Variants in ATM observed in about 807,000 individuals in gnomAD.
ATM encodes the protein serine-protein kinase ATM.
In ATM, 308 loss-of-function variants were observed where a neutral mutation model predicts 387.0. The ratio of observed to expected loss-of-function variants is 0.80; its 90% CI spans 0.73 to 0.87. The LOEUF (loss-of-function observed/expected upper bound fraction) is 0.87. ATM is among the 40% of genes least tolerant of loss of function. ATM has a pLI of 0.00. For synonymous variants in ATM, 1,156 were observed against 1,187.3 expected, an observed-to-expected ratio of 0.97 and a Z score of 0.54; for missense variants, 3,312 against 3,560.9, an observed-to-expected ratio of 0.93 and a Z score of 1.78.
rs73545037 is a variant in ATM at position 108,347,586 on chromosome 11, G to A, written c.8671+221G>A. ...AATAGATGAGGTGTCTTTTGAGCCT[G>A]GTCTTCAAGAAAGAAAGAAAGCATA... is the stretch of plus-strand genomic sequence containing the variant. On this transcript the variant is annotated intron_variant, in intron 59 of 62. Coordinates refer to ENST00000675843, the MANE Select transcript of ATM (RefSeq NM_000051.4). Among the ~76,000 whole-genome samples, 1,372 of 152,198 alleles carry A rather than the reference G, an allele frequency of 9.0e-3. 20 individuals carry two copies. Among genetic ancestry groups the A allele is most frequent in the African/African-American group, 0.031 (1,291 of 41,536 alleles).
intron 37 of ATM, among the ~76,000 whole-genome samples, chr11:108,306,784 A>T (rs2083720044): frequency 6.6e-6 from 1 of 152,236 alleles, no homozygotes; most frequent in Admixed American, 6.5e-5. Flanking sequence ...TCAGCTGTCC[A>T]AAAGCAAACG....
rs2091330801 is a variant in ATM, at chr11:108,366,357, T to C, written c.*849T>C. On this transcript the variant is annotated 3_prime_UTR_variant, in exon 63 of 63. Transcript: ENST00000675843. ...ATTGTTTTTCATTTCTAATTATGCA[T>C]CATTTTTCAGATCTCTGTTTCTTGA... 9.3e-6 allele frequency: 2 copies of C among 214,632 alleles called. No individual in the cohort carries two copies. The highest frequency in any genetic ancestry group is 1.5e-3 in the Middle Eastern group (1 of 676). 13.3% of individuals were successfully genotyped at this position (214,632 alleles called of 1,614,324 possible).
intron 33 of ATM, among the ~76,000 whole-genome samples, chr11:108,298,882 T>C (rs139374022): frequency 2.4e-4 from 36 of 152,344 alleles, no homozygotes; most frequent in Non-Finnish European, 4.1e-4. Flanking sequence ...GTGGTGTTTG[T>C]ATATACTAGC....
At chr11:108,339,608 C>CT (rs2087268693) in intron 56 of ATM, among the ~76,000 whole-genome samples, 1 of 152,036 alleles carries the variant, frequency 6.6e-6, no homozygotes, top group African/African-American at 2.4e-5. Flanking sequence ...CTGTCATTTG[C>CT]TTTTTGAAAT....
rs1555120997 is a variant in ATM, at chr11:108,327,682, T to A, written c.7013T>A (p.Leu2338Gln). The A allele has an allele frequency of 6.2e-7, 1 of 1,614,034 alleles. No individual in the cohort carries two copies. Among genetic ancestry groups the A allele is most frequent in the Non-Finnish European group, 8.5e-7 (1 of 1,179,944 alleles). ...PSLKLTYTEC[L>Q]RVCGNWLAET... is the part of the protein sequence containing the mutation. ...CTAAAACTTACATACACAGAATGTC[T>A]GAGGGTTTGTGGCAACTGGTTAGCA... The change falls in exon 48 of 63, where the codon CTG becomes CAG. Residue 2338 changes from leucine to glutamine, a missense_variant. This residue lies in a region of ATM where 1,405 missense variants were observed against 1,604.4 expected (regional missense o/e 0.88). Coordinates refer to ENST00000675843, the MANE Select transcript of ATM (RefSeq NM_000051.4).
chr11:108,282,757 C>G lies in ATM; in HGVS notation c.3624C>G (p.Asp1208Glu), dbSNP rs2082298022. The G allele has an allele frequency of 6.2e-7, 1 of 1,612,964 alleles. No individual in the cohort carries two copies. The highest frequency in any genetic ancestry group is 1.3e-5 in the African/African-American group (1 of 74,874). Residue 1208 changes from aspartate (D) to glutamate (E), a missense_variant, in exon 25 of 63, where the codon GAC becomes GAG. By Grantham distance (45) the Asp-to-Glu change is conservative. Coordinates refer to ENST00000675843, the MANE Select transcript of ATM (RefSeq NM_000051.4). ...SETFGYRRLE[D>E]FMASHLDYLV... ...CTTTTGGATATAGACGTTTAGAAGA[C>G]TTTATGGCATCTCATTTAGATTATC...
chr11:108,337,869 A>G (rs767664751), intron 56 of ATM, among the ~76,000 whole-genome samples: 3 of 152,252 alleles, frequency 2.0e-5, no homozygotes, highest in Non-Finnish European at 2.9e-5. Context: ...AACTCTCAGA[A>G]AGTAGCTAAG....
chr11:108,270,842 C>T (rs1237895256), intron 18 of ATM, among the ~76,000 whole-genome samples: 1 of 151,984 alleles, frequency 6.6e-6, no homozygotes, highest in African/African-American at 2.4e-5. Flanking sequence ...ATTATAGGCG[C>T]CTGCCACCAC....
intron 18 of ATM, among the ~76,000 whole-genome samples, chr11:108,269,457 TCA>T (rs2081452061): frequency 6.6e-6 from 1 of 152,202 alleles, no homozygotes; most frequent in Non-Finnish European, 1.5e-5. Flanking sequence ...CAAGCCAACA[TCA>T]CACAGTTTAT....
At chr11:108,288,194 C>T (rs1375414871) in intron 27 of ATM, among the ~76,000 whole-genome samples, 1 of 152,076 alleles carries the variant, frequency 6.6e-6, no homozygotes, top group Non-Finnish European at 1.5e-5. Context: ...CCACCTCAGC[C>T]TCTCGAGTAG....
At chr11:108,299,241 G>A (rs987716516) in intron 33 of ATM, among the ~76,000 whole-genome samples, 2 of 151,992 alleles carry the variant, frequency 1.3e-5, no homozygotes, top group African/African-American at 4.8e-5. Flanking sequence ...TCATTGAACT[G>A]TGTGTTTAAG....
At chr11:108,330,813 A>G (rs945798846) in intron 50 of ATM, among the ~76,000 whole-genome samples, 3 of 152,194 alleles carry the variant, frequency 2.0e-5, no homozygotes, top group African/African-American at 7.2e-5. Flanking sequence ...CTGCAGAAAT[A>G]TGGGATTTTT....
rs1386063673 is a variant in ATM, at chr11:108,272,818, C to G, written c.3250C>G (p.Gln1084Glu). 6.2e-7 allele frequency: 1 copy of G among 1,613,916 alleles called. No homozygotes were observed. Among genetic ancestry groups the G allele is most frequent in the South Asian group, 1.1e-5 (1 of 91,078 alleles). The change falls in exon 22 of 63, where the codon CAA becomes GAA. Residue 1084 changes from glutamine to glutamate, a missense_variant. Physicochemically the swap from Gln to Glu is conservative, Grantham distance 29 (BLOSUM62 2). Transcript: ENST00000675843. ...ACAATTTCTTGCTGACAATCATCAC[C>G]AAGTTCGCATGTTGGCTGCAGAGTC... Reference protein sequence around the residue: ...FTQFLADNHHQVRMLAAESIN... With the variant: ...FTQFLADNHHEVRMLAAESIN...
intron 36 of ATM, among the ~76,000 whole-genome samples, chr11:108,303,890 C>A (rs1349034800): frequency 1.3e-5 from 2 of 152,150 alleles, no homozygotes; most frequent in Non-Finnish European, 2.9e-5. Flanking sequence ...TATGTACACA[C>A]CCCATTTGTG....
intron 45 of ATM, among the ~76,000 whole-genome samples, chr11:108,322,502 C>T (rs1289171689): frequency 2.0e-5 from 3 of 152,124 alleles, no homozygotes; most frequent in African/African-American, 7.2e-5. Context: ...AGTAAACATT[C>T]AGTGGATAGT....
chr11:108,282,679 TC>T, intron 24 of ATM, 30 bp from the exon 25 acceptor site: 1 of 1,602,716 alleles, frequency 6.2e-7, no homozygotes, highest in Admixed American at 1.7e-5. Flanking sequence ...TTTTCATTTT[TC>T]TTAACACATT....
At chr11:108,260,003 A>G (rs2080761881) in intron 16 of ATM, among the ~76,000 whole-genome samples, 1 of 146,214 alleles carries the variant, frequency 6.8e-6, no homozygotes, top group Non-Finnish European at 1.5e-5. Context: ...AGTGAATAGT[A>G]TATATGTATA....
intron 49 of ATM, 132 bp from the exon 50 acceptor site, chr11:108,330,082 T>C: frequency 1.1e-6 from 1 of 891,546 alleles, no homozygotes; most frequent in Non-Finnish European, 1.8e-6. Context: ...CCCTTTATAA[T>C]CCTTAGAAGT....
intron 40 of ATM, among the ~76,000 whole-genome samples, chr11:108,315,457 C>T (rs978555099): frequency 4.6e-5 from 7 of 151,962 alleles, no homozygotes; most frequent in Admixed American, 1.3e-4. Context: ...CAAATGTATA[C>T]AAATGATGGA....
Sources: allele counts gnomAD v4.1 joint callset (sites outside exome capture counted in the v4.1 genomes callset), GRCh38; gene constraint gnomAD v4.1.1; regional missense constraint gnomAD v4.1.1; transcripts MANE v1.5; gene names NCBI Gene and HGNC (gene_info 2026-07-23, HGNC 2026-07-21).